The following LZTFL1 variants were observed in gnomAD, a reference collection of about 807,000 sequenced individuals.
LZTFL1 encodes the protein leucine zipper transcription factor-like protein 1.
LZTFL1 carries 25 observed loss-of-function variants against 45.9 expected under a neutral mutation model. The observed-to-expected ratio is 0.54, with a 90% CI of 0.40 to 0.76. The LOEUF is 0.76. Ranked by LOEUF, LZTFL1 falls within the 30% of genes least tolerant of loss-of-function variation. The pLI is 0.00. For synonymous variants in LZTFL1, 93 were observed against 117.4 expected (o/e 0.79, Z 1.35); for missense variants, 277 against 331.1 (o/e 0.84, Z 1.27).
At chr3:45,827,291 G>C in intron 9 of LZTFL1, 65 bp downstream of exon 9, 1 of 1,232,686 alleles carries the variant, frequency 8.1e-7, no homozygotes, top group Non-Finnish European at 1.2e-6. Flanking sequence ...AACAAGCTTA[G>C]ATTTAACAGA....
chr3:45,829,302 T>C (rs1465461719), intron 7 of LZTFL1, among the ~76,000 whole-genome samples: 2 of 152,124 alleles, frequency 1.3e-5, no homozygotes, highest in Non-Finnish European at 2.9e-5. Context: ...GGTTAATATG[T>C]AGATGAAGAA....
chr3:45,912,523 A>G, intron 2 of LZTFL1, among the ~76,000 whole-genome samples: 1 of 151,696 alleles, frequency 6.6e-6, no homozygotes, highest in East Asian at 1.9e-4. Context: ...ACTTTTACTC[A>G]CTCTCTTGGA....
intron 2 of LZTFL1, among the ~76,000 whole-genome samples, chr3:45,908,261 A>G (rs34847985): frequency 0.38 from 57,614 of 151,842 alleles, 12,819 homozygotes; most frequent in African/African-American, 0.61. Flanking sequence ...TGCTCTGGAA[A>G]CCCTAAGCTG....
rs954794775 is a variant in LZTFL1 at position 45,868,198 on chromosome 3, T to A, written c.-214-9182A>T. On this transcript the variant is annotated intron_variant, in intron 2 of 4. Transcript: ENST00000472635. ...AAAAATATATATATATATAAATTTTTAAAAAGTATTTTAATTTTTTTGCAA... is the reference window on the plus strand; with the variant it reads ...AAAAATATATATATATATAAATTTTAAAAAAGTATTTTAATTTTTTTGCAA... Among the ~76,000 whole-genome samples the A allele has an allele frequency of 7.4e-5, 11 of 148,736 alleles. No individual in the cohort carries two copies. The East Asian group carries it at 1.2e-3, about 16-fold the overall frequency.
intron 7 of LZTFL1, among the ~76,000 whole-genome samples, chr3:45,828,909 G>A (rs959782893): frequency 2.6e-5 from 4 of 152,134 alleles, no homozygotes; most frequent in African/African-American, 9.7e-5. Flanking sequence ...CAAGATGTGT[G>A]TACCAGGGTT....
At position 45,824,865 on chromosome 3, in the gene LZTFL1, G is replaced by T. The variant is rs768729479; in HGVS notation, c.*1449C>A. The T allele has an allele frequency of 6.8e-5, 27 of 398,308 alleles. No homozygotes were observed. Among genetic ancestry groups the T allele is most frequent in the Middle Eastern group, 6.2e-4 (1 of 1,606 alleles). The allele number at this position is 398,308 out of a possible 1,614,324, so 24.7% of individuals were successfully genotyped here. On this transcript the variant is annotated 3_prime_UTR_variant, in exon 10 of 10. Transcript: ENST00000296135. ...CAAAAGGGCACAGAAACTGGTAAGTGACCTAAATATGGAGAGACAGGTGAG... is the reference window on the plus strand; with the variant it reads ...CAAAAGGGCACAGAAACTGGTAAGTTACCTAAATATGGAGAGACAGGTGAG...
chr3:45,882,683 C>G (rs1017369915), intron 2 of LZTFL1, among the ~76,000 whole-genome samples: 2 of 152,098 alleles, frequency 1.3e-5, no homozygotes, highest in African/African-American at 4.8e-5. Context: ...CAGCTTGGGT[C>G]TTTTCTCTGT....
At chr3:45,879,398 G>A (rs1218309145) in intron 2 of LZTFL1, among the ~76,000 whole-genome samples, 1 of 152,228 alleles carries the variant, frequency 6.6e-6, no homozygotes, top group African/African-American at 2.4e-5. Flanking sequence ...GTAAGTGAGA[G>A]AAGCCCATCT....
At chr3:45,859,798 G>A (rs181452336) in intron 2 of LZTFL1, among the ~76,000 whole-genome samples, 16 of 151,802 alleles carry the variant, frequency 1.1e-4, no homozygotes, top group South Asian at 2.1e-4. Flanking sequence ...CACCACACCC[G>A]GCTAATTTTT....
intron 2 of LZTFL1, among the ~76,000 whole-genome samples, chr3:45,887,680 G>A (rs973111554): frequency 5.9e-5 from 9 of 152,146 alleles, no homozygotes; most frequent in Admixed American, 6.5e-5. Flanking sequence ...CTGGAATTTC[G>A]GAGTCCTTTT....
chr3:45,827,054 T>C, intron 9 of LZTFL1: 1 of 332,100 alleles, frequency 3.0e-6, no homozygotes, highest in South Asian at 4.5e-5. Context: ...AACTACCTAA[T>C]GCTGCCCTGC....
At chr3:45,837,739 C>A (rs917048759) in intron 2 of LZTFL1, among the ~76,000 whole-genome samples, 188 bp downstream of exon 2, 11 of 152,218 alleles carry the variant, frequency 7.2e-5, no homozygotes, top group African/African-American at 2.7e-4. Flanking sequence ...ACAATAGATT[C>A]ATTGCTTTCA....
At chr3:45,886,202 C>A (rs544559350) in intron 2 of LZTFL1, among the ~76,000 whole-genome samples, 4 of 152,120 alleles carry the variant, frequency 2.6e-5, no homozygotes, top group Admixed American at 2.6e-4. Context: ...GGTGACACCA[C>A]CTAAAGAAAT....
rs78140541 is a variant in LZTFL1, at chr3:45,914,952, G to A, written c.-273+469C>T. Among the ~76,000 whole-genome samples, 615 of 152,296 alleles carry A rather than the reference G, an allele frequency of 4.0e-3. 8 individuals carry two copies. Among genetic ancestry groups the A allele is most frequent in the African/African-American group, 0.013 (554 of 41,576 alleles). Reference sequence around the variant, plus strand: ...GGAACCCTGTCGCTCATTCACAAGCGTCGTGGGAGGACTGGACTGAGGCTG... The same window carrying A: ...GGAACCCTGTCGCTCATTCACAAGCATCGTGGGAGGACTGGACTGAGGCTG... On this transcript the variant is annotated intron_variant, in intron 1 of 4. Transcript: ENST00000472635.
At chr3:45,865,142 C>A (rs1415082392) in intron 2 of LZTFL1, among the ~76,000 whole-genome samples, 1 of 152,162 alleles carries the variant, frequency 6.6e-6, no homozygotes, top group Non-Finnish European at 1.5e-5. Context: ...CCAGATCCAC[C>A]GAAAGAAATG....
At chr3:45,908,287 GC>G (rs1254056545) in intron 2 of LZTFL1, among the ~76,000 whole-genome samples, 1 of 152,178 alleles carries the variant, frequency 6.6e-6, no homozygotes, top group African/African-American at 2.4e-5. Flanking sequence ...TCAGAAGGCT[GC>G]CCACCCTGAG....
At chr3:45,887,006 C>T (rs1333570455) in intron 2 of LZTFL1, among the ~76,000 whole-genome samples, 1 of 152,068 alleles carries the variant, frequency 6.6e-6, no homozygotes, top group Non-Finnish European at 1.5e-5. Context: ...TGAGACACTG[C>T]CCCATGGAAA....
intron 2 of LZTFL1, among the ~76,000 whole-genome samples, chr3:45,907,058 T>G (rs920436999): frequency 6.6e-6 from 1 of 152,210 alleles, no homozygotes; most frequent in Non-Finnish European, 1.5e-5. Context: ...TCAAGGGGCA[T>G]GCAGACCTCT....
At chr3:45,845,127 C>T (rs1220108869), upstream of LZTFL1, among the ~76,000 whole-genome samples, 1 of 152,294 alleles carries the variant, frequency 6.6e-6, no homozygotes, top group East Asian at 1.9e-4. Context: ...GCACCAGCTC[C>T]TCTTTCCATA....
Sources: allele counts gnomAD v4.1 joint callset (sites outside exome capture counted in the v4.1 genomes callset), GRCh38; gene constraint gnomAD v4.1.1; transcripts MANE v1.5; gene names NCBI Gene and HGNC (gene_info 2026-07-23, HGNC 2026-07-21).